Variants in DACH2 observed in about 807,000 individuals in gnomAD.
DACH2 encodes the protein dachshund homolog 2.
Under a neutral mutation model 35.8 loss-of-function variants are expected in DACH2, and 17 were observed. The ratio of observed to expected loss-of-function variants is 0.48; its 90% CI spans 0.33 to 0.71. DACH2 has a LOEUF of 0.71. DACH2 is among the 30% of genes least tolerant of loss of function. DACH2 has a pLI of 0.02. For missense variants in DACH2, 469 were observed against 472.7 expected, an observed-to-expected ratio of 0.99 and a Z score of 0.07; for synonymous variants, 195 against 177.3, an observed-to-expected ratio of 1.10 and a Z score of -0.79.
intron 5 of DACH2, among the ~76,000 whole-genome samples, chrX:86,704,991 C>T (rs1381738586): frequency 1.1e-5 from 1 of 91,900 alleles, no homozygotes; most frequent in Non-Finnish European, 2.1e-5. Flanking sequence ...GGAACCAGCC[C>T]AAATACTCAT....
At chrX:86,695,272 T>G in intron 5 of DACH2, 93 bp downstream of exon 5, 1 of 762,615 alleles carries the variant, frequency 1.3e-6, no homozygotes, top group Non-Finnish European at 1.7e-6. Flanking sequence ...TTAGTCTATT[T>G]TTCTTCAATA....
At chrX:86,507,155 A>G (rs1327578307) in intron 2 of DACH2, among the ~76,000 whole-genome samples, 1 of 111,731 alleles carries the variant, frequency 9.0e-6, no homozygotes, top group Non-Finnish European at 1.9e-5. Context: ...AGGCAGGTTA[A>G]TAGTGATCAG....
intron 1 of DACH2, among the ~76,000 whole-genome samples, chrX:86,272,191 C>T (rs2033825485): frequency 1.4e-5 from 1 of 70,694 alleles, no homozygotes; most frequent in African/African-American, 6.5e-5. Context: ...GAATAGTATT[C>T]CTTTGAGAGT....
chrX:86,510,052 C>T (rs2038375683), intron 2 of DACH2, among the ~76,000 whole-genome samples: 1 of 111,752 alleles, frequency 8.9e-6, no homozygotes, highest in African/African-American at 3.2e-5. Flanking sequence ...AGTAGGAAGA[C>T]AAGCTTTCAT....
intron 2 of DACH2, among the ~76,000 whole-genome samples, chrX:86,429,866 A>G (rs1221709795): frequency 8.9e-6 from 1 of 112,275 alleles, no homozygotes; most frequent in Non-Finnish European, 1.9e-5. Flanking sequence ...CCTGGCCTAA[A>G]GTGCATTAAA....
chrX:86,296,560 T>G (rs958595263), intron 1 of DACH2, among the ~76,000 whole-genome samples: 2 of 111,423 alleles, frequency 1.8e-5, no homozygotes, highest in African/African-American at 6.5e-5. Context: ...GTGTGTTTTA[T>G]AAATTTATAT....
intron 7 of DACH2, among the ~76,000 whole-genome samples, chrX:86,778,804 T>C (rs938702931): frequency 1.8e-5 from 2 of 110,663 alleles, no homozygotes; most frequent in African/African-American, 6.6e-5. Context: ...AGAGACGGGG[T>C]TTCACCATCT....
chrX:86,500,663 G>C (rs5922244), intron 2 of DACH2, among the ~76,000 whole-genome samples: 30,635 of 110,608 alleles, frequency 0.28, 3,259 homozygotes, highest in Middle Eastern at 0.46. Flanking sequence ...AGAGCACCAA[G>C]AATTGCACAA....
At chrX:86,570,516 C>T (rs1043673539) in intron 3 of DACH2, among the ~76,000 whole-genome samples, 9 of 111,170 alleles carry the variant, frequency 8.1e-5, no homozygotes, top group Non-Finnish European at 1.7e-4. Flanking sequence ...CCTGTTCTCA[C>T]TTATAAATGG....
At chrX:86,386,086 T>C (rs920129961) in intron 2 of DACH2, among the ~76,000 whole-genome samples, 3 of 111,739 alleles carry the variant, frequency 2.7e-5, no homozygotes, top group African/African-American at 9.8e-5. Flanking sequence ...TCTAATGTTC[T>C]TTTCTGTTCC....
At chrX:86,214,458 C>T (rs1025368600) in intron 1 of DACH2, among the ~76,000 whole-genome samples, 2 of 111,778 alleles carry the variant, frequency 1.8e-5, no homozygotes, top group Admixed American at 9.5e-5. Context: ...AGGATGAAAC[C>T]GGTAAATCAA....
At chrX:86,730,525 T>A (rs938309915) in intron 6 of DACH2, among the ~76,000 whole-genome samples, 1 of 112,109 alleles carries the variant, frequency 8.9e-6, no homozygotes, top group African/African-American at 3.2e-5. Context: ...TAACAATTAA[T>A]TGAATCAGAT....
intron 6 of DACH2, among the ~76,000 whole-genome samples, chrX:86,721,758 G>A (rs747830672): frequency 8.9e-6 from 1 of 111,830 alleles, no homozygotes; most frequent in East Asian, 2.8e-4. Context: ...ATAAAGAAAA[G>A]AGGTTTAATT....
chrX:86,802,132 A>G lies in DACH2; in HGVS notation c.1241-10724A>G, dbSNP rs180765974. On this transcript the variant is annotated intron_variant, in intron 7 of 11. Coordinates refer to ENST00000373125, the MANE Select transcript of DACH2 (RefSeq NM_053281.3). ...AGCAATATTAAAATCTTGTAAATGT[A>G]GCAAAAATTAACCTTTATATAGCCC... Among the ~76,000 whole-genome samples the G allele has an allele frequency of 3.7e-3, 418 of 111,991 alleles. 3 individuals carry two copies. Among genetic ancestry groups the G allele is most frequent in the African/African-American group, 0.013 (397 of 30,842 alleles).
intron 1 of DACH2, among the ~76,000 whole-genome samples, chrX:86,180,002 C>T (rs1265969178): frequency 6.5e-5 from 7 of 107,281 alleles, no homozygotes; most frequent in Non-Finnish European, 1.4e-4. Context: ...TGTGCTTCTG[C>T]CTCCAGACAC....
At chrX:86,298,415 A>T (rs943268881) in intron 1 of DACH2, among the ~76,000 whole-genome samples, 3 of 112,097 alleles carry the variant, frequency 2.7e-5, no homozygotes, top group Non-Finnish European at 5.6e-5. Context: ...ATAGAGGCTT[A>T]CAAGAAACAC....
intron 3 of DACH2, among the ~76,000 whole-genome samples, chrX:86,595,893 A>G (rs2039705873): frequency 9.0e-6 from 1 of 110,802 alleles, no homozygotes; most frequent in South Asian, 3.7e-4. Flanking sequence ...TACTCATTAA[A>G]GTTATTTGCT....
At chrX:86,241,301 A>G (rs2033161198) in intron 1 of DACH2, among the ~76,000 whole-genome samples, 1 of 111,815 alleles carries the variant, frequency 8.9e-6, no homozygotes, top group Admixed American at 9.5e-5. Flanking sequence ...AACTGGAGTA[A>G]AGGTCATTCT....
chrX:86,294,534 T>G (rs767046953), intron 1 of DACH2, among the ~76,000 whole-genome samples: 211 of 110,529 alleles, frequency 1.9e-3, no homozygotes, highest in African/African-American at 6.5e-3. Context: ...TCTGCTCTGT[T>G]TTTTCCCCAT....
Sources: allele counts gnomAD v4.1 joint callset (sites outside exome capture counted in the v4.1 genomes callset), GRCh38; gene constraint gnomAD v4.1.1; transcripts MANE v1.5; gene names NCBI Gene and HGNC (gene_info 2026-07-23, HGNC 2026-07-21).